The following H1-8 variants were observed in gnomAD, a reference collection of about 807,000 sequenced individuals.
The protein encoded by H1-8 is H1.8 linker histone, also known as histone H1.8.
H1-8 carries 13 observed loss-of-function variants against 19.5 expected under a neutral mutation model. The ratio of observed to expected loss-of-function variants is 0.67; its 90% CI spans 0.43 to 1.06. H1-8 has a LOEUF of 1.06. H1-8 is among the 50% of genes least tolerant of loss of function. The pLI is 0.00. For missense variants in H1-8, 432 were observed against 459.8 expected (o/e 0.94, Z 0.55); for synonymous variants, 193 against 187.6 (o/e 1.03, Z -0.24).
chr3:129,543,186 G>C lies in H1-8; in HGVS notation c.-33G>C. On this transcript the variant is annotated 5_prime_UTR_variant, in exon 1 of 5. Transcript: ENST00000324382. ...GCAGGCCCAGCAGCCTCACACCCGG[G>C]TGAGGGGTCTGCTGGCTGCACCTGT... 2 of 1,557,324 alleles carry C rather than the reference G, an allele frequency of 1.3e-6. No homozygotes were observed. The highest frequency in any genetic ancestry group is 1.7e-5 in the Admixed American group (1 of 58,336).
intron 1 of H1-8, among the ~76,000 whole-genome samples, chr3:129,546,012 C>T (rs1006091760): frequency 4.0e-5 from 6 of 151,836 alleles, no homozygotes; most frequent in African/African-American, 9.7e-5. Flanking sequence ...CATGGTGGCT[C>T]ATGCTTGTAA....
chr3:129,551,120 C>T lies in H1-8; in HGVS notation c.821C>T (p.Ala274Val). 6.2e-7 allele frequency: 1 copy of T among 1,613,620 alleles called. No individual in the cohort carries two copies. The highest frequency in any genetic ancestry group is 8.5e-7 in the Non-Finnish European group (1 of 1,179,902). ...GCTTTCGTATAGGTCAAGAATGGTG[C>T]TGCTTCCCCGACCAAAAAGAAGGTG... ...KPTASKVKNG[A>V]ASPTKKKVVA... Residue 274 changes from alanine to valine, a missense_variant, in exon 5 of 5, where the codon GCT becomes GTT. By Grantham distance (64) the Ala-to-Val change is moderately conservative. Coordinates refer to ENST00000324382, the MANE Select transcript of H1-8 (RefSeq NM_153833.3).
In H1-8 at chr3:129,549,158, G is replaced by C. The variant is rs1167383697; in HGVS notation, c.536G>C (p.Arg179Thr). Residue 179 changes from arginine (R) to threonine (T), a missense_variant, in exon 3 of 5, where the codon AGG (arginine) becomes ACG (threonine). Arg to Thr is a moderately conservative substitution (Grantham distance 71). Coordinates refer to ENST00000324382, the MANE Select transcript of H1-8 (RefSeq NM_153833.3). The part of the protein sequence containing the change: ...NVGKVKKAAK[R>T]PAKVQKPPPK... ...GGCAAGGTGAAAAAGGCAGCCAAGA[G>C]GCCAGCAAAGGTGCAGAAGCCTCCT... 1 of 1,566,390 alleles carries C rather than the reference G, an allele frequency of 6.4e-7. No homozygotes were observed. The highest frequency in any genetic ancestry group is 1.2e-5 in the South Asian group (1 of 86,102).
At chr3:129,544,607 C>G (rs1431455559) in intron 1 of H1-8, among the ~76,000 whole-genome samples, 1 of 151,804 alleles carries the variant, frequency 6.6e-6, no homozygotes, top group Non-Finnish European at 1.5e-5. Flanking sequence ...TCCTGGTATA[C>G]AGCAGGCATG....
At chr3:129,549,421 A>C in intron 3 of H1-8, 57 bp downstream of exon 3, 5 of 1,384,732 alleles carry the variant, frequency 3.6e-6, no homozygotes, top group Non-Finnish European at 4.7e-6. Context: ...CAGCCACTGG[A>C]GCGGGGGCGG....
chr3:129,547,468 C>A lies in H1-8; in HGVS notation c.166C>A (p.Leu56Ile). The change falls in exon 2 of 5, where the codon CTA (leucine) becomes ATA (isoleucine). Residue 56 changes from leucine (L) to isoleucine (I), a missense_variant. Leu to Ile is a conservative substitution (Grantham distance 5). Coordinates refer to ENST00000324382, the MANE Select transcript of H1-8 (RefSeq NM_153833.3). The stretch of plus-strand genomic sequence containing the variant: ...GGTGGGACGCCGCCACCCCCCGGTG[C>A]TACGCATGGTGCTGGAGGCGCTGCA... The part of the protein sequence containing the change: ...LPVGRRHPPV[L>I]RMVLEALQAG... 2 of 1,552,066 alleles carry A rather than the reference C, an allele frequency of 1.3e-6. No individual in the cohort carries two copies. The highest frequency in any genetic ancestry group is 1.7e-6 in the Non-Finnish European group (2 of 1,148,042).
In H1-8 at chr3:129,549,050, C is replaced by A. The variant is rs748783783; in HGVS notation, c.428C>A (p.Ala143Glu). The A allele has an allele frequency of 3.7e-6, 6 of 1,612,896 alleles. No homozygotes were observed. Among genetic ancestry groups the A allele is most frequent in the Admixed American group, 3.3e-5 (2 of 59,726 alleles). ...KKIQPRKMAP[A>E]TAPRRAGEAK... ...ATCCAGCCCAGGAAGATGGCCCCCG[C>A]GACGGCTCCCAGGAGAGCGGGTGAG... Residue 143 changes from alanine to glutamate, a missense_variant, in exon 3 of 5, where the codon GCG (alanine) becomes GAG (glutamate). Transcript: ENST00000324382.
rs752612483 is a variant in H1-8 at position 129,551,301 on chromosome 3, C to T, written c.1002C>T (p.Ala334=). The change falls in exon 5 of 5, where the codon GCC becomes GCT. Residue 334 remains alanine, a synonymous_variant. Transcript: ENST00000324382. ...GPRKAGLPIK[A]SSSKVSSQRA... The stretch of plus-strand genomic sequence containing the variant: ...GAAAGGCTGGGCTGCCCATCAAGGC[C>T]TCATCATCCAAAGTGTCCAGCCAGA... The T allele has an allele frequency of 1.7e-5, 28 of 1,613,796 alleles. No homozygotes were observed. In the East Asian group the frequency reaches 2.9e-4, roughly 17 times the overall value.
intron 4 of H1-8, 121 bp from the exon 5 acceptor site, chr3:129,550,986 C>A: frequency 3.0e-6 from 3 of 1,002,720 alleles, no homozygotes; most frequent in Non-Finnish European, 3.0e-6. Flanking sequence ...GTGTTGCCAT[C>A]CCCATCTTAC....
At chr3:129,548,749 G>T (rs1469943931) in intron 2 of H1-8, among the ~76,000 whole-genome samples, 1 of 152,158 alleles carries the variant, frequency 6.6e-6, no homozygotes, top group Non-Finnish European at 1.5e-5. Flanking sequence ...GGGTAGTGGG[G>T]GAGGAGGAGT....
rs538787645 is a variant in H1-8, at chr3:129,547,404, C to T, written c.102C>T (p.Gly34=). The change falls in exon 2 of 5, where the codon GGC becomes GGT. Residue 34 remains glycine, a synonymous_variant. Transcript: ENST00000324382. ...ATCTCTCCTCAGGCCCGAGCCACGGCGGTGTCCCACCAGGAGGCCCGAGCC... is the reference window on the plus strand; with the variant it reads ...ATCTCTCCTCAGGCCCGAGCCACGGTGGTGTCCCACCAGGAGGCCCGAGCC... ...PESEKPGPSH[G]GVPPGGPSHS... 7.0e-5 allele frequency: 103 copies of T among 1,473,564 alleles called. No homozygotes were observed. The highest frequency in any genetic ancestry group is 6.3e-4 in the South Asian group (48 of 76,458). 91.3% of individuals were successfully genotyped at this position (1,473,564 alleles called of 1,614,324 possible). A position where few individuals can be genotyped will look rare whatever the true frequency, so the allele number is the denominator to read the frequency against.
chr3:129,549,171 G>T lies in H1-8; in HGVS notation c.549G>T (p.Val183=). 6.4e-7 allele frequency: 1 copy of T among 1,564,602 alleles called. No individual in the cohort carries two copies. Among genetic ancestry groups the T allele is most frequent in the Non-Finnish European group, 8.7e-7 (1 of 1,153,856 alleles). ...VKKAAKRPAK[V]QKPPPKPGAA... ...AGGCAGCCAAGAGGCCAGCAAAGGT[G>T]CAGAAGCCTCCTCCCAAGCCAGGCG... Residue 183 remains valine, a synonymous_variant, in exon 3 of 5, where the codon GTG becomes GTT. Transcript: ENST00000324382.
chr3:129,545,950 G>A (rs577567186), intron 1 of H1-8, among the ~76,000 whole-genome samples: 5 of 151,918 alleles, frequency 3.3e-5, no homozygotes, highest in African/African-American at 9.7e-5. Context: ...GGTATATACC[G>A]AAGAGTGGAA....
intron 1 of H1-8, among the ~76,000 whole-genome samples, chr3:129,544,812 G>A (rs551783500): frequency 6.6e-6 from 1 of 151,938 alleles, no homozygotes; most frequent in Non-Finnish European, 1.5e-5. Flanking sequence ...CTCCTTAGAG[G>A]CCCCCGTCCC....
Position 129,547,603 on chromosome 3 carries a change from C to A in H1-8, c.301C>A (p.Leu101Met). Residue 101 changes from leucine (L) to methionine (M), a missense_variant, in exon 2 of 5, where the codon CTG becomes ATG. Coordinates refer to ENST00000324382, the MANE Select transcript of H1-8 (RefSeq NM_153833.3). The stretch of plus-strand genomic sequence containing the variant: ...CTTCAAGTACCTGCTGAAGCAGGCG[C>A]TGGCCACTGGCATGCGCCGTGGCCT... ...LRFKYLLKQALATGMRRGLLA... is the reference protein window; with the variant it reads ...LRFKYLLKQAMATGMRRGLLA... The A allele has an allele frequency of 6.4e-7, 1 of 1,553,948 alleles. No individual in the cohort carries two copies. Among genetic ancestry groups the A allele is most frequent in the Non-Finnish European group, 8.7e-7 (1 of 1,149,348 alleles).
At position 129,551,203 on chromosome 3, in the gene H1-8, C is replaced by G. The variant is rs1437150146; in HGVS notation, c.904C>G (p.Pro302Ala). The G allele has an allele frequency of 1.2e-6, 2 of 1,614,260 alleles. No homozygotes were observed. Among genetic ancestry groups the G allele is most frequent in the Non-Finnish European group, 1.7e-6 (2 of 1,180,052 alleles). ...GGGGCCAAACACCAAGGCTGCTGCT[C>G]CTGCTAAGGGCAGTGGGTCCAAGGT... ...GQGPNTKAAAPAKGSGSKVVP... is the reference protein window; with the variant it reads ...GQGPNTKAAAAAKGSGSKVVP... The change falls in exon 5 of 5, where the codon CCT (proline) becomes GCT (alanine). Residue 302 changes from proline to alanine, a missense_variant. Pro to Ala is a conservative substitution (Grantham distance 27). Transcript: ENST00000324382.
At chr3:129,547,958 G>T (rs1324516432) in intron 2 of H1-8, among the ~76,000 whole-genome samples, 1 of 152,190 alleles carries the variant, frequency 6.6e-6, no homozygotes, top group African/African-American at 2.4e-5. Flanking sequence ...CTGGGTCCTG[G>T]GCACGTAGCC....
chr3:129,548,901 CCT>C (rs367941850), intron 2 of H1-8, 98 bp from the exon 3 acceptor site: 118 of 1,459,544 alleles, frequency 8.1e-5, no homozygotes, highest in East Asian at 5.4e-4. Flanking sequence ...GTGGAGCCCC[CCT>C]GTTTGGAACG....
chr3:129,551,356 C>T lies in H1-8; in HGVS notation c.*16C>T, dbSNP rs372988100. ...TGAAGCTTAGGGCCAGAGGCAGGGG[C>T]GGAGAGAGACCGAGCCTCTGCCCTA... is the stretch of plus-strand genomic sequence containing the variant. On this transcript the variant is annotated 3_prime_UTR_variant, in exon 5 of 5. Transcript: ENST00000324382. 321 of 1,543,442 alleles carry T rather than the reference C, an allele frequency of 2.1e-4. 3 individuals are homozygous for T. In the African/African-American group the frequency reaches 3.5e-3, roughly 17 times the overall value.
Sources: allele counts gnomAD v4.1 joint callset (sites outside exome capture counted in the v4.1 genomes callset), GRCh38; gene constraint gnomAD v4.1.1; transcripts MANE v1.5; gene names NCBI Gene and HGNC (gene_info 2026-07-23, HGNC 2026-07-21).